PRSS48: variants seen among roughly 807,000 people sequenced by gnomAD.
PRSS48 encodes serine protease 48, also known as epidermis-specific serine protease-like protein.
Under a neutral mutation model 25.6 loss-of-function variants are expected in PRSS48, and 21 were observed. The observed-to-expected ratio is 0.82, with a 90% CI of 0.58 to 1.18. The LOEUF (loss-of-function observed/expected upper bound fraction) is 1.18. PRSS48 is among the 50% of genes most tolerant of loss of function. PRSS48 has a pLI of 0.00. For missense variants in PRSS48, 373 were observed against 399.3 expected, an observed-to-expected ratio of 0.93 and a Z score of 0.56; for synonymous variants, 150 against 149.3, an observed-to-expected ratio of 1.00 and a Z score of -0.04.
At chr4:151,288,876 T>C (rs1775070009) in intron 4 of PRSS48, among the ~76,000 whole-genome samples, 1 of 152,068 alleles carries the variant, frequency 6.6e-6, no homozygotes, top group South Asian at 2.1e-4. Flanking sequence ...ACCCAGCTGG[T>C]TTCTTTGCAG....
intron 4 of PRSS48, among the ~76,000 whole-genome samples, chr4:151,284,632 C>T (rs1026023072): frequency 5.3e-5 from 8 of 152,122 alleles, no homozygotes; most frequent in Middle Eastern, 3.2e-3. Flanking sequence ...TCTTGGAAAA[C>T]GTTTTCCTGT....
intron 4 of PRSS48, among the ~76,000 whole-genome samples, chr4:151,286,030 TAAA>T (rs771668211): frequency 1.6e-5 from 2 of 128,818 alleles, no homozygotes. Flanking sequence ...ACCCTATCTC[TAAA>T]AAAAAAAAAA....
At chr4:151,283,263 C>G in exon 4 of PRSS48, 1 of 1,613,556 alleles carries the variant, frequency 6.2e-7, no homozygotes, top group African/African-American at 1.3e-5. Context: ...TGGTGATACT[C>G]AAAACATGAA....
chr4:151,291,226 A>C (rs1431922720), exon 5 of PRSS48: 1 of 1,613,874 alleles, frequency 6.2e-7, no homozygotes, highest in Admixed American at 1.7e-5. Flanking sequence ...AGTCTACACC[A>C]ATGTAATCTA....
At chr4:151,291,511 T>C (rs1775336288), downstream of PRSS48, 1 of 1,282,794 alleles carries the variant, frequency 7.8e-7, no homozygotes, top group Non-Finnish European at 1.1e-6. Flanking sequence ...GAAATGATTT[T>C]GTTTTTAAGG....
At chr4:151,279,604 G>A (rs2150005912) in intron 1 of PRSS48, among the ~76,000 whole-genome samples, 192 bp from the exon 2 acceptor site, 1 of 152,176 alleles carries the variant, frequency 6.6e-6, no homozygotes, top group East Asian at 1.9e-4. Flanking sequence ...AAAAGAAAGA[G>A]CTACAATCAG....
intron 2 of PRSS48, 142 bp from the exon 3 acceptor site, chr4:151,282,006 A>C: frequency 2.5e-6 from 2 of 795,182 alleles, no homozygotes; most frequent in Non-Finnish European, 4.1e-6. Flanking sequence ...AGACAAATCA[A>C]CCCTAGTTGA....
At chr4:151,290,232 A>T (rs1775195198) in intron 4 of PRSS48, among the ~76,000 whole-genome samples, 1 of 152,220 alleles carries the variant, frequency 6.6e-6, no homozygotes, top group Admixed American at 6.5e-5. Flanking sequence ...GACACGAACC[A>T]TCATGCTGGG....
intron 4 of PRSS48, among the ~76,000 whole-genome samples, chr4:151,287,260 GA>G (rs1774891628): frequency 6.8e-6 from 1 of 146,828 alleles, no homozygotes; most frequent in South Asian, 2.2e-4. Context: ...AGAATCACTT[GA>G]ACCCGGGAGG....
Position 151,278,132 on chromosome 4 carries a change from G to A in PRSS48, c.52+908G>A, listed in dbSNP as rs1773828523. Among the ~76,000 whole-genome samples the A allele has an allele frequency of 3.3e-5, 5 of 152,198 alleles. No individual in the cohort carries two copies. In the South Asian group the frequency reaches 8.3e-4, roughly 25 times the overall value. On this transcript the variant is annotated intron_variant, in intron 1 of 4. Coordinates refer to ENST00000455694, the Ensembl canonical transcript of PRSS48. ...ACAAATACTGCAAAATGCCAATTCA[G>A]TTAAACCAAATAGCACAAAAGTAAA...
chr4:151,280,249 G>A lies in PRSS48; in HGVS notation c.215+291G>A, dbSNP rs190659711. On this transcript the variant is annotated intron_variant, in intron 2 of 4. Transcript: ENST00000455694. ...TTTTTGGGTCATAAACACAATCTGA[G>A]CTCTAAGAGCCACTGCTGTGAGAGA... is the stretch of plus-strand genomic sequence containing the variant. Among the ~76,000 whole-genome samples the A allele has an allele frequency of 1.1e-3, 172 of 152,250 alleles. 3 individuals are homozygous for A. The highest frequency in any genetic ancestry group is 0.011 in the Admixed American group (166 of 15,306).
intron 1 of PRSS48, among the ~76,000 whole-genome samples, chr4:151,277,758 T>C (rs1218297060): frequency 6.6e-6 from 1 of 152,088 alleles, no homozygotes; most frequent in Non-Finnish European, 1.5e-5. Context: ...AAGGGTATAC[T>C]GGCCAGGCAC....
chr4:151,291,306 T>C (rs1159568885), exon 5 of PRSS48: 1 of 1,613,914 alleles, frequency 6.2e-7, no homozygotes, highest in African/African-American at 1.3e-5. Flanking sequence ...TCTTGTTCCC[T>C]ATTGTCCTAC....
rs141373331 is a variant in PRSS48 at position 151,290,857 on chromosome 4, A to G, written c.652-261A>G. Among the ~76,000 whole-genome samples, 608 of 152,312 alleles carry G rather than the reference A, an allele frequency of 4.0e-3. 3 individuals are homozygous for G. Among genetic ancestry groups the G allele is most frequent in the Non-Finnish European group, 6.8e-3 (460 of 68,024 alleles). ...TTATCTTTAGTGAAAAAATCATCTC[A>G]TTAGTTTTATTTCTCTTTTTATCAC... On this transcript the variant is annotated intron_variant, in intron 4 of 4. Transcript: ENST00000455694.
At chr4:151,291,283 G>T in exon 5 of PRSS48, 1 of 1,613,990 alleles carries the variant, frequency 6.2e-7, no homozygotes, top group Non-Finnish European at 8.5e-7. Context: ...CAACAATCTA[G>T]ACTTCTCTGA....
At chr4:151,289,524 T>C (rs200072794) in intron 4 of PRSS48, among the ~76,000 whole-genome samples, 2 of 152,302 alleles carry the variant, frequency 1.3e-5, no homozygotes, top group East Asian at 1.9e-4. Flanking sequence ...AACTCGATCA[T>C]AAAAAGAGCA....
At chr4:151,285,208 T>C (rs546208344) in intron 4 of PRSS48, among the ~76,000 whole-genome samples, 56 of 152,180 alleles carry the variant, frequency 3.7e-4, no homozygotes, top group Non-Finnish European at 7.5e-4. Flanking sequence ...CTGTCCACAA[T>C]TTATAACTGT....
At chr4:151,285,809 G>A (rs1361183294) in intron 4 of PRSS48, among the ~76,000 whole-genome samples, 1 of 151,992 alleles carries the variant, frequency 6.6e-6, no homozygotes, top group Non-Finnish European at 1.5e-5. Flanking sequence ...CACATATGTA[G>A]TGAGCTATGA....
At chr4:151,282,077 G>A in intron 2 of PRSS48, 71 bp from the exon 3 acceptor site, 1 of 1,517,130 alleles carries the variant, frequency 6.6e-7, no homozygotes, top group Non-Finnish European at 9.0e-7. Context: ...TAGAGACTTA[G>A]TGCTACATAT....
Sources: gnomAD v4.1 joint callset for allele counts (sites outside exome capture counted in the v4.1 genomes callset) on GRCh38, gnomAD v4.1.1 for gene constraint, MANE v1.5 for transcripts, NCBI Gene and HGNC (gene_info 2026-07-23, HGNC 2026-07-21) for gene names.